The following INTS8 variants were observed in gnomAD, a reference collection of about 807,000 sequenced individuals.
INTS8 encodes integrator complex subunit 8.
INTS8 carries 47 observed loss-of-function variants against 138.9 expected under a neutral mutation model. That is an observed-to-expected ratio of 0.34 (90% confidence interval 0.27 to 0.43). The LOEUF is 0.43. INTS8 is among the 20% of genes least tolerant of loss of function. The pLI is 1.00. For synonymous variants in INTS8, 392 were observed against 400.9 expected, an observed-to-expected ratio of 0.98 and a Z score of 0.27; for missense variants, 996 against 1,173.0, an observed-to-expected ratio of 0.85 and a Z score of 2.20.
At chr8:94,870,500 G>A (rs1035387819) in intron 20 of INTS8, among the ~76,000 whole-genome samples, 2 of 152,176 alleles carry the variant, frequency 1.3e-5, no homozygotes, top group Non-Finnish European at 2.9e-5. Context: ...TATTTCTCCT[G>A]AGTGGGACTC....
At chr8:94,833,590 A>C (rs1167010120) in intron 6 of INTS8, among the ~76,000 whole-genome samples, 3 of 152,100 alleles carry the variant, frequency 2.0e-5, no homozygotes, top group Non-Finnish European at 2.9e-5. Flanking sequence ...ACCCGTTTAA[A>C]AGTTGTTGAT....
intron 12 of INTS8, among the ~76,000 whole-genome samples, chr8:94,851,098 A>G (rs553036097): frequency 2.6e-4 from 39 of 152,326 alleles, no homozygotes; most frequent in African/African-American, 9.1e-4. Context: ...GGATTTTGGT[A>G]ATCATTTTTG....
intron 20 of INTS8, 172 bp downstream of exon 20, chr8:94,867,509 T>C: frequency 1.9e-6 from 1 of 533,196 alleles, no homozygotes; most frequent in Non-Finnish European, 3.3e-6. Flanking sequence ...AAATTGTGGA[T>C]AAGGCATAAC....
chr8:94,857,165 C>T (rs762092573), intron 15 of INTS8, among the ~76,000 whole-genome samples, 187 bp downstream of exon 15: 27 of 151,072 alleles, frequency 1.8e-4, no homozygotes, highest in East Asian at 7.8e-4. Flanking sequence ...CTCTGCCTCC[C>T]GGGTTAAAGT....
At chr8:94,857,905 C>T (rs1317086908) in intron 15 of INTS8, among the ~76,000 whole-genome samples, 1 of 152,220 alleles carries the variant, frequency 6.6e-6, no homozygotes, top group African/African-American at 2.4e-5. Flanking sequence ...TTGCAATGTT[C>T]AGGTGTTTGA....
intron 19 of INTS8, 29 bp from the exon 20 acceptor site, chr8:94,867,247 A>G: frequency 6.2e-7 from 1 of 1,601,474 alleles, no homozygotes; most frequent in Middle Eastern, 1.7e-4. Flanking sequence ...ATTTCTTTGT[A>G]AATCACACCT....
intron 6 of INTS8, among the ~76,000 whole-genome samples, chr8:94,834,013 C>A (rs1032341599): frequency 9.2e-5 from 14 of 152,326 alleles, no homozygotes; most frequent in Non-Finnish European, 1.8e-4. Flanking sequence ...TTCCAGTGAT[C>A]TGCCCGCCTC....
chr8:94,824,042 A>G (rs1050421090), intron 1 of INTS8, among the ~76,000 whole-genome samples: 5 of 152,184 alleles, frequency 3.3e-5, no homozygotes, highest in Non-Finnish European at 7.4e-5. Context: ...CTCTTATTCC[A>G]AAGTTGGGCT....
At chr8:94,857,834 T>A (rs982187322) in intron 15 of INTS8, among the ~76,000 whole-genome samples, 1 of 152,258 alleles carries the variant, frequency 6.6e-6, no homozygotes, top group Non-Finnish European at 1.5e-5. Flanking sequence ...TAAGGTCACG[T>A]TCTCAGGTTC....
Position 94,856,970 on chromosome 8 carries a change from G to A in INTS8, c.1946G>A (p.Arg649Lys). ...AGAGTACGAGGCTATCTGGAAATGA[G>A]GCTTCCTGGTAAGACTGGTTCACAA... ...ISRVRGYLEM[R>K]LPDIPLRQVI... is the part of the protein sequence containing the mutation. Residue 649 changes from arginine (R) to lysine (K), a missense_variant, in exon 15 of 27, where the codon AGG becomes AAG. By Grantham distance (26) the Arg-to-Lys change is conservative. Transcript: ENST00000523731. 2 of 1,613,578 alleles carry A rather than the reference G, an allele frequency of 1.2e-6. No individual in the cohort carries two copies. Among genetic ancestry groups the A allele is most frequent in the South Asian group, 2.2e-5 (2 of 91,040 alleles).
chr8:94,845,999 G>C (rs1216264210), intron 10 of INTS8, among the ~76,000 whole-genome samples: 1 of 152,044 alleles, frequency 6.6e-6, no homozygotes, highest in Non-Finnish European at 1.5e-5. Context: ...GGGTATGATG[G>C]CTCTTGATTT....
chr8:94,831,577 G>A (rs1814717559), intron 5 of INTS8, among the ~76,000 whole-genome samples: 1 of 151,486 alleles, frequency 6.6e-6, no homozygotes, highest in Non-Finnish European at 1.5e-5. Flanking sequence ...CACCTCCCAG[G>A]TTCAAGCAAT....
At chr8:94,823,601 A>G in intron 1 of INTS8, 40 bp downstream of exon 1, 3 of 1,460,474 alleles carry the variant, frequency 2.1e-6, no homozygotes, top group Non-Finnish European at 2.8e-6. Flanking sequence ...GGACCCGGCC[A>G]CCGGCGCTGT....
At position 94,831,994 on chromosome 8, in the gene INTS8, C is replaced by G; in HGVS notation, c.573C>G (p.Leu191=). The change falls in exon 6 of 27, where the codon CTC becomes CTG. Residue 191 remains leucine, a splice_region_variant and synonymous_variant. Coordinates refer to ENST00000523731, the MANE Select transcript of INTS8 (RefSeq NM_017864.4). The part of the protein sequence containing the change: ...KELTENILKV[L]KEQAADSILV... ...TATTTGTTTATTGATTTCTGTAGCT[C>G]AAAGAACAAGCTGCTGATTCTATTT... is the stretch of plus-strand genomic sequence containing the variant. 1 of 1,585,684 alleles carries G rather than the reference C, an allele frequency of 6.3e-7. No homozygotes were observed. Among genetic ancestry groups the G allele is most frequent in the South Asian group, 1.2e-5 (1 of 85,680 alleles).
intron 2 of INTS8, among the ~76,000 whole-genome samples, chr8:94,825,621 T>G (rs1814470495): frequency 6.6e-6 from 1 of 152,140 alleles, no homozygotes; most frequent in Non-Finnish European, 1.5e-5. Context: ...GATTTGCTGT[T>G]GAATAATTGA....
chr8:94,853,897 G>C lies in INTS8; in HGVS notation c.1734G>C (p.Leu578Phe). 1 of 1,590,748 alleles carries C rather than the reference G, an allele frequency of 6.3e-7. No homozygotes were observed. The highest frequency in any genetic ancestry group is 1.7e-4 in the Middle Eastern group (1 of 6,026). ...DLVYILMAKGLHCSTVKDFSH... is the reference protein window; with the variant it reads ...DLVYILMAKGFHCSTVKDFSH... ...TTTATATTCTTATGGCCAAAGGTTTGCACTGCAGTACTGTTAAGGTGAGTA... is the reference window on the plus strand; with the variant it reads ...TTTATATTCTTATGGCCAAAGGTTTCCACTGCAGTACTGTTAAGGTGAGTA... Residue 578 changes from leucine (L) to phenylalanine (F), a missense_variant, in exon 14 of 27, where the codon TTG becomes TTC. Transcript: ENST00000523731.
intron 5 of INTS8, among the ~76,000 whole-genome samples, chr8:94,830,115 C>T (rs532442938): frequency 2.0e-5 from 3 of 152,254 alleles, no homozygotes; most frequent in East Asian, 1.9e-4. Context: ...AGGCTGGTCT[C>T]GAACTCCTGA....
chr8:94,839,210 T>C (rs1005936967), intron 8 of INTS8, among the ~76,000 whole-genome samples: 1 of 152,206 alleles, frequency 6.6e-6, no homozygotes, highest in African/African-American at 2.4e-5. Context: ...CTCACCATCT[T>C]GATTTGGTTC....
Position 94,881,054 on chromosome 8 carries a change from C to T in INTS8, c.*820C>T. The stretch of plus-strand genomic sequence containing the variant: ...AAGGCAAATAAACTAGTTTAAAAAA[C>T]ATTAAATTTCACCATTTGTAGAAAT... On this transcript the variant is annotated 3_prime_UTR_variant, in exon 27 of 27. Transcript: ENST00000523731. 1 of 398,178 alleles carries T rather than the reference C, an allele frequency of 2.5e-6. No homozygotes were observed. The highest frequency in any genetic ancestry group is 4.4e-6 in the Non-Finnish European group (1 of 225,574). 24.7% of individuals were successfully genotyped at this position (398,178 alleles called of 1,614,324 possible). A position where few individuals can be genotyped will look rare whatever the true frequency, so the allele number is the denominator to read the frequency against.
Sources: gnomAD v4.1 joint callset for allele counts (sites outside exome capture counted in the v4.1 genomes callset) on GRCh38, gnomAD v4.1.1 for gene constraint, MANE v1.5 for transcripts, NCBI Gene and HGNC (gene_info 2026-07-23, HGNC 2026-07-21) for gene names.